The following POFUT3 variants were observed in gnomAD, a reference collection of about 807,000 sequenced individuals.
The protein encoded by POFUT3 is protein O-fucosyltransferase 3.
At chr8:33,465,679 TCTCAAA>T in the POFUT3 span, among the ~76,000 whole-genome samples, 1 of 152,092 alleles carries the variant, frequency 6.6e-6, no homozygotes, top group Admixed American at 6.6e-5. Context: ...GCCAGGCTGG[TCTCAAA>T]CTCCTGAATT....
the POFUT3 span, among the ~76,000 whole-genome samples, chr8:33,380,030 A>C: frequency 1.4e-4 from 10 of 73,046 alleles, 1 homozygote; most frequent in Non-Finnish European, 2.1e-4. Context: ...TATATATACT[A>C]TATATATACG....
At chr8:33,332,166 G>A in the POFUT3 span, among the ~76,000 whole-genome samples, 7 of 147,152 alleles carry the variant, frequency 4.8e-5, no homozygotes, top group East Asian at 6.1e-4. Context: ...AAGAAGAAGA[G>A]GAGGAGGAGG....
the POFUT3 span, chr8:33,389,631 T>C: frequency 6.2e-7 from 1 of 1,614,182 alleles, no homozygotes; most frequent in South Asian, 1.1e-5. Flanking sequence ...TATTGGGTAG[T>C]TAGTGGCAAG....
At chr8:33,314,687 G>A in the POFUT3 span, among the ~76,000 whole-genome samples, 7 of 152,154 alleles carry the variant, frequency 4.6e-5, no homozygotes, top group Non-Finnish European at 7.4e-5. Flanking sequence ...TTACATTGGA[G>A]GCAGATTACT....
the POFUT3 span, among the ~76,000 whole-genome samples, chr8:33,402,312 C>G: frequency 6.6e-6 from 1 of 152,146 alleles, no homozygotes; most frequent in Admixed American, 6.5e-5. Flanking sequence ...AGTCTATCTA[C>G]CAGGTAGATA....
chr8:33,460,571 G>C, the POFUT3 span: 1 of 177,772 alleles, frequency 5.6e-6, no homozygotes, highest in Non-Finnish European at 1.1e-5. Flanking sequence ...AATAGTCCTT[G>C]CTTCTCCAAG....
chr8:33,318,133 T>C, the POFUT3 span, among the ~76,000 whole-genome samples: 3 of 152,084 alleles, frequency 2.0e-5, no homozygotes, highest in South Asian at 2.1e-4. Flanking sequence ...TGGACCAGCT[T>C]CTACGTCTCT....
chr8:33,385,703 G>A, the POFUT3 span, among the ~76,000 whole-genome samples: 6 of 152,126 alleles, frequency 3.9e-5, no homozygotes, highest in Admixed American at 3.3e-4. Flanking sequence ...CCAACATGGT[G>A]AAACCCCATC....
the POFUT3 span, among the ~76,000 whole-genome samples, chr8:33,447,550 C>T: frequency 3.3e-5 from 5 of 152,064 alleles, no homozygotes; most frequent in Non-Finnish European, 7.4e-5. Context: ...GTTAATGTAG[C>T]TAAATCCTTG....
the POFUT3 span, among the ~76,000 whole-genome samples, chr8:33,313,600 C>T: frequency 0.012 from 1,843 of 151,868 alleles, 36 homozygotes; most frequent in African/African-American, 0.043. Flanking sequence ...GAACTGACAT[C>T]CTCCCTATTC....
chr8:33,338,344 C>T, the POFUT3 span, among the ~76,000 whole-genome samples: 1 of 152,022 alleles, frequency 6.6e-6, no homozygotes, highest in Admixed American at 6.6e-5. Context: ...ACCAACACTT[C>T]TCAAACTCTT....
chr8:33,446,893 C>T, the POFUT3 span, among the ~76,000 whole-genome samples: 1 of 152,186 alleles, frequency 6.6e-6, no homozygotes, highest in Non-Finnish European at 1.5e-5. Context: ...GAGGCCCTGC[C>T]TGAACAGTCA....
the POFUT3 span, among the ~76,000 whole-genome samples, chr8:33,387,656 T>G: frequency 6.6e-6 from 1 of 152,014 alleles, no homozygotes; most frequent in African/African-American, 2.4e-5. Context: ...ATACAAAAAT[T>G]AGTCAGGTGT....
At chr8:33,335,147 A>ATGTGTGTGTGTGTGTGTGTGTG in the POFUT3 span, among the ~76,000 whole-genome samples, 1 of 116,362 alleles carries the variant, frequency 8.6e-6, no homozygotes, top group African/African-American at 3.5e-5. Flanking sequence ...GGAAAAAGAA[A>ATGTGTGTGTGTGTGTGTGTGTG]TATATGTGTG....
chr8:33,362,011 C>G, the POFUT3 span, among the ~76,000 whole-genome samples: 1 of 152,126 alleles, frequency 6.6e-6, no homozygotes, highest in Non-Finnish European at 1.5e-5. Flanking sequence ...TTAAGGGCAG[C>G]TAGAGAGAAA....
the POFUT3 span, among the ~76,000 whole-genome samples, chr8:33,457,216 G>A: frequency 6.6e-6 from 1 of 152,186 alleles, no homozygotes; most frequent in African/African-American, 2.4e-5. Flanking sequence ...GGGAGGCCCA[G>A]GTGGGTGGAT....
chr8:33,472,758 CCAG>C, the POFUT3 span, among the ~76,000 whole-genome samples: 1 of 152,082 alleles, frequency 6.6e-6, no homozygotes, highest in African/African-American at 2.4e-5. Context: ...TCTCCGGGCT[CCAG>C]CAGAGGCTCC....
the POFUT3 span, chr8:33,361,420 C>T: frequency 2.0e-5 from 3 of 152,196 alleles, no homozygotes; most frequent in Admixed American, 2.0e-4. Context: ...TAATATAGCC[C>T]ATTTAATATA....
chr8:33,428,341 G>C, the POFUT3 span, among the ~76,000 whole-genome samples: 1 of 152,294 alleles, frequency 6.6e-6, no homozygotes, highest in Middle Eastern at 3.4e-3. Flanking sequence ...TATGTTAAAG[G>C]AGAAGCTAAA....
Sources: gnomAD v4.1 joint callset for allele counts (sites outside exome capture counted in the v4.1 genomes callset) on GRCh38, gnomAD v4.1.1 for gene constraint, MANE v1.5 for transcripts, NCBI Gene and HGNC (gene_info 2026-07-23, HGNC 2026-07-21) for gene names.